TESK1: variants seen among roughly 807,000 people sequenced by gnomAD.
The protein encoded by TESK1 is testis associated actin remodelling kinase 1.
A neutral mutation model predicts 59.9 loss-of-function variants in TESK1; 18 were observed. The observed-to-expected ratio is 0.30, with a 90% CI of 0.21 to 0.45. The LOEUF is 0.45. TESK1 is among the 20% of genes least tolerant of loss of function. The pLI, the probability that TESK1 is intolerant of heterozygous loss-of-function variation, is 1.00. For synonymous variants in TESK1, 341 were observed against 357.4 expected (o/e 0.95, Z 0.52); for missense variants, 748 against 840.9 (o/e 0.89, Z 1.37).
In TESK1 at chr9:35,607,095, CA is replaced by C; in HGVS notation, c.537+114del. ...CAGATATATTAGGATGTTGGAGTGGCAAGGCATTGGAGAATATTGGGGGACC... is the reference window on the plus strand; with the variant it reads ...CAGATATATTAGGATGTTGGAGTGGCAGGCATTGGAGAATATTGGGGGACC... On this transcript the variant is annotated intron_variant, in intron 4 of 9. Coordinates refer to ENST00000336395, the MANE Select transcript of TESK1 (RefSeq NM_006285.3). The surrounding 1 kb of genome is among the most constrained non-coding windows in gnomAD (Gnocchi z 4.5). The C allele has an allele frequency of 7.0e-7, 1 of 1,423,974 alleles. No homozygotes were observed. The highest frequency in any genetic ancestry group is 1.4e-5 in the African/African-American group (1 of 70,244). 88.2% of individuals were successfully genotyped at this position (1,423,974 alleles called of 1,614,324 possible).
At position 35,607,559 on chromosome 9, in the gene TESK1, C is replaced by G; in HGVS notation, c.621-23C>G. On this transcript the variant is annotated intron_variant, in intron 5 of 9. Coordinates refer to ENST00000336395, the MANE Select transcript of TESK1 (RefSeq NM_006285.3). This position sits in a 1 kb window ranked among gnomAD's most constrained non-coding sequence, Gnocchi z 4.5. ...GGATGCCTGAATAGGATGCTTCTGACCACTCTGCCCCTGCCCCTGCAGGGA... is the reference window on the plus strand; with the variant it reads ...GGATGCCTGAATAGGATGCTTCTGAGCACTCTGCCCCTGCCCCTGCAGGGA... 1 of 1,606,070 alleles carries G rather than the reference C, an allele frequency of 6.2e-7. No homozygotes were observed. The highest frequency in any genetic ancestry group is 8.5e-7 in the Non-Finnish European group (1 of 1,173,032).
Position 35,608,980 on chromosome 9 carries a change from C to A in TESK1, c.1119C>A (p.Asp373Glu), listed in dbSNP as rs530732591. Residue 373 changes from aspartate to glutamate, a missense_variant, in exon 10 of 10, where the codon GAC becomes GAA. By Grantham distance (45) the Asp-to-Glu change is conservative. Coordinates refer to ENST00000336395, the MANE Select transcript of TESK1 (RefSeq NM_006285.3). ...PSPESPPNWG[D>E]NLTRVNPFSL... ...CAGAATCACCCCCCAACTGGGGGGA[C>A]AATCTGACTCGAGTCAACCCCTTCT... 1.9e-6 allele frequency: 3 copies of A among 1,614,082 alleles called. No homozygotes were observed. The highest frequency in any genetic ancestry group is 2.5e-6 in the Non-Finnish European group (3 of 1,180,034).
intron 7 of TESK1, 69 bp from the exon 8 acceptor site, chr9:35,608,091 T>TTCTG: frequency 1.2e-6 from 2 of 1,609,348 alleles, no homozygotes; most frequent in Non-Finnish European, 1.7e-6. Context: ...GAGGTTGAGG[T>TTCTG]TCTGACTGGG....
chr9:35,608,059 C>T (rs767490831), intron 7 of TESK1, 48 bp downstream of exon 7: 3 of 1,611,016 alleles, frequency 1.9e-6, no homozygotes, highest in East Asian at 4.5e-5. Flanking sequence ...CTAGCTGGCT[C>T]ATAACCAAGG....
chr9:35,608,748 G>A (rs1441773980), intron 9 of TESK1, 114 bp from the exon 10 acceptor site: 1 of 1,287,246 alleles, frequency 7.8e-7, no homozygotes, highest in African/African-American at 1.5e-5. Context: ...AAAGCACCAG[G>A]TGGGACTCCC....
Position 35,607,865 on chromosome 9 carries a change from C to A in TESK1, c.712-63C>A. 6.3e-7 allele frequency: 1 copy of A among 1,578,856 alleles called. No homozygotes were observed. Among genetic ancestry groups the A allele is most frequent in the Non-Finnish European group, 8.7e-7 (1 of 1,152,394 alleles). On this transcript the variant is annotated intron_variant, in intron 6 of 9. Coordinates refer to ENST00000336395, the MANE Select transcript of TESK1 (RefSeq NM_006285.3). The surrounding 1 kb of genome is among the most constrained non-coding windows in gnomAD (Gnocchi z 4.5). ...ACCCTCAACCAAATTCTGCTATATT[C>A]TGTCAAAATTCTGAAATGAAAACTG...
intron 1 of TESK1, 46 bp downstream of exon 1, chr9:35,605,884 C>T (rs1822837671): frequency 1.2e-6 from 2 of 1,606,454 alleles, no homozygotes; most frequent in Admixed American, 1.7e-5. Context: ...AGCCTTCAAC[C>T]AGAGGCTGAA....
chr9:35,606,233 G>T lies in TESK1; in HGVS notation c.342-4G>T, dbSNP rs1282292579. 6.2e-7 allele frequency: 1 copy of T among 1,614,068 alleles called. No homozygotes were observed. Among genetic ancestry groups the T allele is most frequent in the Non-Finnish European group, 8.5e-7 (1 of 1,180,040 alleles). Reference sequence around the variant, plus strand: ...ATCCTTCTATCTTCCCCATCCTCTTGCAGGTTCATGGGAGTCTGTGTGCAC... The same window carrying T: ...ATCCTTCTATCTTCCCCATCCTCTTTCAGGTTCATGGGAGTCTGTGTGCAC... On this transcript the variant is annotated splice_region_variant and splice_polypyrimidine_tract_variant and intron_variant, in intron 2 of 9. Transcript: ENST00000336395.
At position 35,605,394 on chromosome 9, in the gene TESK1, C is replaced by G. The variant is rs1822819948; in HGVS notation, c.-226C>G. ...TCACCGCCACCGCCCGGTCCAGGCC[C>G]AAGCCCAGGCCCTGCGCGGAGCGGA... On this transcript the variant is annotated 5_prime_UTR_variant, in exon 1 of 10. Coordinates refer to ENST00000336395, the MANE Select transcript of TESK1 (RefSeq NM_006285.3). 1 of 163,526 alleles carries G rather than the reference C, an allele frequency of 6.1e-6. No individual in the cohort carries two copies. The highest frequency in any genetic ancestry group is 1.3e-5 in the Non-Finnish European group (1 of 76,532). The allele number at this position is 163,526 out of a possible 1,614,324, so 10.1% of individuals were successfully genotyped here. A position where few individuals can be genotyped will look rare whatever the true frequency, so the allele number is the denominator to read the frequency against.
intron 3 of TESK1, among the ~76,000 whole-genome samples, chr9:35,606,635 A>T (rs915872577): frequency 1.8e-4 from 27 of 152,212 alleles, no homozygotes; most frequent in East Asian, 3.9e-4. Context: ...AAAATTTTTT[A>T]AATTATTTAA....
Position 35,605,681 on chromosome 9 carries a change from AG to A in TESK1, c.66del (p.Pro24ArgfsTer62). Reference sequence around the variant, plus strand: ...CCCGGGCCTGGAGAGGTGCCGGGGGAGGGGCCCCCGGGGCCGGGGGGCACGG... The same window carrying A: ...CCCGGGCCTGGAGAGGTGCCGGGGGAGGGCCCCCGGGGCCGGGGGGCACGG... The part of the protein sequence containing the change: ...PGPGPGEVPG[E>X]GPPGPGGTGG... On this transcript the variant is annotated frameshift_variant, in exon 1 of 10. Transcript: ENST00000336395. LOFTEE classifies it high-confidence loss of function. 7.0e-7 allele frequency: 1 copy of A among 1,420,318 alleles called. No individual in the cohort carries two copies. The highest frequency in any genetic ancestry group is 9.2e-7 in the Non-Finnish European group (1 of 1,083,258). The allele number at this position is 1,420,318 out of a possible 1,614,324, so 88.0% of individuals were successfully genotyped here. A position where few individuals can be genotyped will look rare whatever the true frequency, so the allele number is the denominator to read the frequency against.
Position 35,609,750 on chromosome 9 carries a change from G to T in TESK1, c.*8G>T. ...CCTGGGGCACGCTCTTAGCAGTGGA[G>T]CCCGTGGTCTCAGGCCTCCAACTTT... On this transcript the variant is annotated 3_prime_UTR_variant, in exon 10 of 10. Transcript: ENST00000336395. The surrounding 1 kb of genome is among the most constrained non-coding windows in gnomAD (Gnocchi z 6.7). The T allele has an allele frequency of 6.4e-7, 1 of 1,569,746 alleles. No homozygotes were observed. The highest frequency in any genetic ancestry group is 1.1e-5 in the South Asian group (1 of 87,454).
At chr9:35,606,361 G>T in intron 3 of TESK1, 76 bp downstream of exon 3, 1 of 1,563,162 alleles carries the variant, frequency 6.4e-7, no homozygotes, top group Non-Finnish European at 8.8e-7. Flanking sequence ...AGGCCTGGTG[G>T]ATCTACGGAG....
chr9:35,609,919 C>A lies in TESK1; in HGVS notation c.*177C>A. ...CACTTCCAGTCGACCCCCCGGCTCG[C>A]GTTCCCGTGGGGATCACTGAACCAG... On this transcript the variant is annotated 3_prime_UTR_variant, in exon 10 of 10. Coordinates refer to ENST00000336395, the MANE Select transcript of TESK1 (RefSeq NM_006285.3). The surrounding 1 kb of genome is among the most constrained non-coding windows in gnomAD (Gnocchi z 6.7). 2 of 683,778 alleles carry A rather than the reference C, an allele frequency of 2.9e-6. No homozygotes were observed. Among genetic ancestry groups the A allele is most frequent in the Non-Finnish European group, 4.7e-6 (2 of 428,844 alleles). 42.4% of individuals were successfully genotyped at this position (683,778 alleles called of 1,614,324 possible).
chr9:35,607,066 A>C lies in TESK1; in HGVS notation c.537+83A>C. The C allele has an allele frequency of 6.9e-7, 1 of 1,459,570 alleles. No individual in the cohort carries two copies. The highest frequency in any genetic ancestry group is 9.1e-7 in the Non-Finnish European group (1 of 1,094,502). The allele number at this position is 1,459,570 out of a possible 1,614,324, so 90.4% of individuals were successfully genotyped here. ...CTGGCCTGTGGATGTTGGAATATGG[A>C]TAACAGATATATTAGGATGTTGGAG... On this transcript the variant is annotated intron_variant, in intron 4 of 9. Coordinates refer to ENST00000336395, the MANE Select transcript of TESK1 (RefSeq NM_006285.3). This position sits in a 1 kb window ranked among gnomAD's most constrained non-coding sequence, Gnocchi z 4.5.
chr9:35,607,266 T>C lies in TESK1; in HGVS notation c.538-61T>C, dbSNP rs556014302. On this transcript the variant is annotated intron_variant, in intron 4 of 9. Transcript: ENST00000336395. The surrounding 1 kb of genome is among the most constrained non-coding windows in gnomAD (Gnocchi z 4.5). ...GAGTGACAGGGCTTTGGGTTATACA[T>C]TGGGAGGCCAGACAGCAGAAGGTGA... The C allele has an allele frequency of 2.4e-5, 38 of 1,596,506 alleles. No individual in the cohort carries two copies. The highest frequency in any genetic ancestry group is 1.7e-4 in the Middle Eastern group (1 of 6,034).
chr9:35,607,203 G>A lies in TESK1; in HGVS notation c.538-124G>A, dbSNP rs1822867061. 3.6e-6 allele frequency: 5 copies of A among 1,381,634 alleles called. No individual in the cohort carries two copies. The highest frequency in any genetic ancestry group is 1.4e-5 in the African/African-American group (1 of 70,626). 85.6% of individuals were successfully genotyped at this position (1,381,634 alleles called of 1,614,324 possible). ...TGATGTTGCAATATTGAAGTGCCTT[G>A]AAAAACTGGGAGAGCAGAGAGGGTT... On this transcript the variant is annotated intron_variant, in intron 4 of 9. Transcript: ENST00000336395. The surrounding 1 kb of genome is among the most constrained non-coding windows in gnomAD (Gnocchi z 4.5).
At position 35,608,882 on chromosome 9, in the gene TESK1, C is replaced by G. The variant is rs150641568; in HGVS notation, c.1021C>G (p.Pro341Ala). The G allele has an allele frequency of 6.3e-7, 1 of 1,592,736 alleles. No individual in the cohort carries two copies. Among genetic ancestry groups the G allele is most frequent in the Non-Finnish European group, 8.6e-7 (1 of 1,168,380 alleles). ...HNQGSVARGG[P>A]SATLPRPDPR... ...TACAGGCTCTGTTGCAAGAGGGGGT[C>G]CCTCTGCCACGCTTCCCAGGCCAGA... is the stretch of plus-strand genomic sequence containing the variant. Residue 341 changes from proline to alanine, a missense_variant, in exon 10 of 10, where the codon CCC becomes GCC. Coordinates refer to ENST00000336395, the MANE Select transcript of TESK1 (RefSeq NM_006285.3).
chr9:35,607,429 T>TC lies in TESK1; in HGVS notation c.620+26dup, dbSNP rs748693805. ...GTATAGGTGAGATGAATGTCCCTGT[T>TC]CCCCCCAAATCTCCCAGAGTGCCCC... On this transcript the variant is annotated intron_variant, in intron 5 of 9. Transcript: ENST00000336395. This position sits in a 1 kb window ranked among gnomAD's most constrained non-coding sequence, Gnocchi z 4.5. 60 of 1,613,580 alleles carry TC rather than the reference T, an allele frequency of 3.7e-5. No homozygotes were observed. In the Admixed American group the frequency reaches 7.2e-4, roughly 19 times the overall value.
Sources: allele counts gnomAD v4.1 joint callset (sites outside exome capture counted in the v4.1 genomes callset), GRCh38; gene constraint gnomAD v4.1.1; non-coding constraint Gnocchi (gnomAD v3.1); transcripts MANE v1.5; gene names NCBI Gene and HGNC (gene_info 2026-07-23, HGNC 2026-07-21).